Variants in TNRC6B observed in about 807,000 individuals in gnomAD.
TNRC6B encodes the protein trinucleotide repeat-containing gene 6B protein.
Under a neutral mutation model 203.6 loss-of-function variants are expected in TNRC6B, and 52 were observed. The observed-to-expected ratio is 0.26, with a 90% confidence interval of 0.20 to 0.32. The LOEUF (loss-of-function observed/expected upper bound fraction) is 0.32. Among genes scored for constraint, TNRC6B ranks in the 10% least tolerant of loss-of-function variants. The pLI is 1.00. For missense variants in TNRC6B, 1,923 were observed against 2,286.2 expected (o/e 0.84, Z 3.24); for synonymous variants, 838 against 845.7 (o/e 0.99, Z 0.16).
At chr22:40,056,201 T>G (rs529625380) in intron 1 of TNRC6B, among the ~76,000 whole-genome samples, 1 of 152,358 alleles carries the variant, frequency 6.6e-6, no homozygotes, top group East Asian at 1.9e-4. Flanking sequence ...CCATACCTTG[T>G]TGGCTAAACT....
chr22:40,301,380 T>C lies in TNRC6B; in HGVS notation c.4120+47T>C, dbSNP rs369167831. On this transcript the variant is annotated intron_variant, in intron 15 of 22. Coordinates refer to ENST00000454349, the MANE Select transcript of TNRC6B (RefSeq NM_001162501.2). ...TTACCTTTTTAGAAATCTACCTCTCTAGGCCTGTGGTAGGGGTTGCACCTG... is the reference window on the plus strand; with the variant it reads ...TTACCTTTTTAGAAATCTACCTCTCCAGGCCTGTGGTAGGGGTTGCACCTG... 14 of 1,568,840 alleles carry C rather than the reference T, an allele frequency of 8.9e-6. No individual in the cohort carries two copies. The African/African-American group carries it at 1.8e-4, about 20-fold the overall frequency.
intron 15 of TNRC6B, among the ~76,000 whole-genome samples, chr22:40,307,038 C>T (rs2071095218): frequency 6.6e-6 from 1 of 151,038 alleles, no homozygotes; most frequent in African/African-American, 2.4e-5. Context: ...AAGATTTCTG[C>T]TCCCCACCCC....
chr22:40,259,410 G>A (rs2070339847), intron 3 of TNRC6B, among the ~76,000 whole-genome samples: 1 of 152,110 alleles, frequency 6.6e-6, no homozygotes, highest in African/African-American at 2.4e-5. Flanking sequence ...TTTTAGTAGA[G>A]ACTAGGTTTC....
intron 1 of TNRC6B, among the ~76,000 whole-genome samples, chr22:40,083,614 GT>G (rs1278942245): frequency 1.3e-5 from 2 of 152,152 alleles, no homozygotes; most frequent in African/African-American, 4.8e-5. Flanking sequence ...GCACGTGGGG[GT>G]GATCCAGGAA....
At position 40,198,385 on chromosome 22, in the gene TNRC6B, TTC is replaced by T. The variant is rs534687485; in HGVS notation, c.5+20253_5+20254del. Reference sequence around the variant, plus strand: ...TTTTAATTTTAAAAGCATTCTTCTTTTCTCTCTCTTTTCCTTCCTGAACAGTT... The same window carrying T: ...TTTTAATTTTAAAAGCATTCTTCTTTTCTCTCTTTTCCTTCCTGAACAGTT... On this transcript the variant is annotated intron_variant, in intron 1 of 22. Transcript: ENST00000454349. Among the ~76,000 whole-genome samples, 110 of 152,116 alleles carry T rather than the reference TTC, an allele frequency of 7.2e-4. 1 individual carries two copies. Among genetic ancestry groups the T allele is most frequent in the Non-Finnish European group, 1.5e-3 (105 of 68,000 alleles).
intron 16 of TNRC6B, among the ~76,000 whole-genome samples, chr22:40,309,948 C>G (rs2071150892): frequency 6.6e-6 from 1 of 152,176 alleles, no homozygotes; most frequent in Admixed American, 6.5e-5. Context: ...TATCCCTTCA[C>G]AAGCAGCATC....
chr22:40,146,310 G>A (rs1304259430), intron 3 of TNRC6B, among the ~76,000 whole-genome samples: 1 of 152,146 alleles, frequency 6.6e-6, no homozygotes, highest in African/African-American at 2.4e-5. Flanking sequence ...GGCTGGTAGG[G>A]GAAGATCACC....
At chr22:40,208,120 A>C (rs6001839) in intron 1 of TNRC6B, among the ~76,000 whole-genome samples, 58,388 of 149,012 alleles carry the variant, frequency 0.39, 16,301 homozygotes, top group African/African-American at 0.78. Flanking sequence ...TCAAAAAAAA[A>C]AAAAAAAAAA....
intron 1 of TNRC6B, among the ~76,000 whole-genome samples, chr22:40,046,255 T>C (rs918911799): frequency 6.6e-6 from 1 of 152,244 alleles, no homozygotes; most frequent in Non-Finnish European, 1.5e-5. Context: ...AGATGTGTTT[T>C]GGGTAGTGTT....
At chr22:40,079,571 G>GTATATATATA (rs536120086) in intron 1 of TNRC6B, among the ~76,000 whole-genome samples, 3 of 147,616 alleles carry the variant, frequency 2.0e-5, no homozygotes, top group African/African-American at 5.3e-5. Flanking sequence ...CCAAATCTAA[G>GTATATATATA]TATATATATA....
At chr22:40,166,377 C>T (rs1208120600) in intron 4 of TNRC6B, among the ~76,000 whole-genome samples, 1 of 151,328 alleles carries the variant, frequency 6.6e-6, no homozygotes, top group Non-Finnish European at 1.5e-5. Flanking sequence ...TAATTGGTTG[C>T]CTAACACATG....
chr22:40,055,489 A>G (rs902386421), intron 1 of TNRC6B, among the ~76,000 whole-genome samples: 2 of 152,192 alleles, frequency 1.3e-5, no homozygotes, highest in Non-Finnish European at 2.9e-5. Flanking sequence ...GCTGACTTAC[A>G]GTTGAACCAT....
chr22:40,264,604 G>T, intron 4 of TNRC6B, 84 bp from the exon 5 acceptor site: 1 of 1,420,118 alleles, frequency 7.0e-7, no homozygotes, highest in Non-Finnish European at 9.4e-7. Flanking sequence ...CCTAAGGGCA[G>T]AGCTCAAAGG....
intron 7 of TNRC6B, 134 bp downstream of exon 7, chr22:40,273,734 G>T: frequency 3.2e-6 from 3 of 948,724 alleles, no homozygotes; most frequent in Non-Finnish European, 4.5e-6. Flanking sequence ...GGACAGTCAC[G>T]ACTCGCTGAG....
In TNRC6B at chr22:40,333,188, T is replaced by C. The variant is rs892509770; in HGVS notation, c.*9947T>C. ...GTGAAACCCCGTCTCTACTAAAAAA[T>C]TAGCCGGACGCAGTGGCGCGCGCCT... On this transcript the variant is annotated 3_prime_UTR_variant, in exon 23 of 23. Coordinates refer to ENST00000454349, the MANE Select transcript of TNRC6B (RefSeq NM_001162501.2). 1 of 152,266 alleles carries C rather than the reference T, an allele frequency of 6.6e-6. No individual in the cohort carries two copies. Among genetic ancestry groups the C allele is most frequent in the East Asian group, 1.9e-4 (1 of 5,180 alleles). The allele number at this position is 152,266 out of a possible 1,614,324, so 9.4% of individuals were successfully genotyped here.
chr22:40,159,874 C>T (rs1447772566), intron 4 of TNRC6B, among the ~76,000 whole-genome samples: 1 of 151,906 alleles, frequency 6.6e-6, no homozygotes, highest in Non-Finnish European at 1.5e-5. Flanking sequence ...TGCAATGGTA[C>T]GATCATAGCT....
intron 3 of TNRC6B, among the ~76,000 whole-genome samples, chr22:40,150,558 C>T (rs957336704): frequency 9.9e-5 from 15 of 152,148 alleles, no homozygotes; most frequent in Non-Finnish European, 2.9e-5. Context: ...AAGCAAGGCC[C>T]CAGATACGCT....
At chr22:40,064,722 T>C (rs1033430372) in intron 1 of TNRC6B, among the ~76,000 whole-genome samples, 1 of 151,700 alleles carries the variant, frequency 6.6e-6, no homozygotes, top group Non-Finnish European at 1.5e-5. Flanking sequence ...GTTCAAGCAA[T>C]TCTCCTGCCT....
chr22:40,245,012 C>G (rs1007140695), intron 1 of TNRC6B, among the ~76,000 whole-genome samples: 4 of 152,142 alleles, frequency 2.6e-5, no homozygotes, highest in Non-Finnish European at 5.9e-5. Context: ...TGGAGCAAAA[C>G]CTGGTTGTCT....
Sources: allele counts gnomAD v4.1 joint callset (sites outside exome capture counted in the v4.1 genomes callset), GRCh38; gene constraint gnomAD v4.1.1; transcripts MANE v1.5; gene names NCBI Gene and HGNC (gene_info 2026-07-23, HGNC 2026-07-21).